Variants in ADAMTS12 observed in about 807,000 individuals in gnomAD.
ADAMTS12 encodes the protein A disintegrin and metalloproteinase with thrombospondin motifs 12.
Under a neutral mutation model 167.8 loss-of-function variants are expected in ADAMTS12, and 118 were observed. The observed-to-expected ratio is 0.70, with a 90% CI of 0.61 to 0.82. The LOEUF (loss-of-function observed/expected upper bound fraction) is 0.82. Among genes scored for constraint, ADAMTS12 ranks in the 40% least tolerant of loss-of-function variants. The pLI is 0.00. For synonymous variants in ADAMTS12, 704 were observed against 716.9 expected (o/e 0.98, Z 0.29); for missense variants, 1,916 against 1,998.8 (o/e 0.96, Z 0.79).
intron 22 of ADAMTS12, among the ~76,000 whole-genome samples, chr5:33,535,510 A>G (rs1212931441): frequency 6.6e-6 from 1 of 152,188 alleles, no homozygotes; most frequent in Non-Finnish European, 1.5e-5. Context: ...TGAAAACCAG[A>G]TGGCAGAAAA....
rs201411671 is a variant in ADAMTS12, at chr5:33,891,756, G to A, written c.101C>T (p.Pro34Leu). ...LCYGRQPQPG[P>L]VRFPDRRQEH... is the part of the protein sequence containing the mutation. ...TTGCCTCCTGTCCGGGAAGCGAACC[G>A]GGCCTGGCTGAGGCTGTCTCCCATA... is the stretch of plus-strand genomic sequence containing the variant. The change falls in exon 1 of 24, where the codon CCG becomes CTG. Residue 34 changes from proline (P) to leucine (L), a missense_variant. Coordinates refer to ENST00000504830, the MANE Select transcript of ADAMTS12 (RefSeq NM_030955.4). 35 of 1,614,182 alleles carry A rather than the reference G, an allele frequency of 2.2e-5. 1 individual carries two copies. In the East Asian group the frequency reaches 3.3e-4, roughly 15 times the overall value.
At chr5:33,555,719 G>A (rs1435180681) in intron 20 of ADAMTS12, among the ~76,000 whole-genome samples, 4 of 152,198 alleles carry the variant, frequency 2.6e-5, no homozygotes, top group Admixed American at 2.6e-4. Flanking sequence ...TTGTGATCAA[G>A]TATATATTGG....
chr5:33,679,679 CA>C (rs1327758811), intron 5 of ADAMTS12, among the ~76,000 whole-genome samples: 1 of 152,172 alleles, frequency 6.6e-6, no homozygotes, highest in Non-Finnish European at 1.5e-5. Context: ...ATGCCAATCT[CA>C]ACTTGAAATG....
At chr5:33,790,555 C>CA (rs35691545) in intron 2 of ADAMTS12, among the ~76,000 whole-genome samples, 2,227 of 104,684 alleles carry the variant, frequency 0.021, 33 homozygotes, top group Middle Eastern at 0.052. Flanking sequence ...GACTCCATCT[C>CA]AAAAAAAAAA....
chr5:33,595,135 C>T (rs1462800277), intron 17 of ADAMTS12, among the ~76,000 whole-genome samples: 4 of 152,166 alleles, frequency 2.6e-5, no homozygotes, highest in African/African-American at 7.2e-5. Context: ...TCTCCTTCTT[C>T]CTCCTTTATC....
Position 33,641,822 on chromosome 5 carries a change from C to T in ADAMTS12, c.1706G>A (p.Cys569Tyr), listed in dbSNP as rs1285677625. The change falls in exon 11 of 24, where the codon TGC becomes TAC. Residue 569 changes from cysteine to tyrosine, a missense_variant. Physicochemically the swap from Cys to Tyr is radical, Grantham distance 194 (BLOSUM62 -2). Transcript: ENST00000504830. ...GAGVQSAERL[C>Y]NNPEPKFGGK... ...TATCTGGACTCACTCGGGGTTGTTG[C>T]AGAGCCTCTCTGCGCTCTGGACTCC... 1 of 1,610,042 alleles carries T rather than the reference C, an allele frequency of 6.2e-7. No homozygotes were observed. The highest frequency in any genetic ancestry group is 1.1e-5 in the South Asian group (1 of 90,536).
intron 16 of ADAMTS12, among the ~76,000 whole-genome samples, chr5:33,605,858 A>G (rs765371315): frequency 3.9e-5 from 6 of 152,244 alleles, no homozygotes; most frequent in Admixed American, 6.5e-5. Flanking sequence ...TAGATGAAGA[A>G]ATTGAAGCAC....
At chr5:33,737,728 A>G (rs62349767) in intron 3 of ADAMTS12, among the ~76,000 whole-genome samples, 1,566 of 152,332 alleles carry the variant, frequency 0.01, 14 homozygotes, top group Non-Finnish European at 0.018. Context: ...GATTTACAAA[A>G]TATCATAAAT....
intron 3 of ADAMTS12, among the ~76,000 whole-genome samples, chr5:33,733,562 G>A (rs763422313): frequency 1.3e-5 from 2 of 152,164 alleles, no homozygotes; most frequent in Non-Finnish European, 2.9e-5. Flanking sequence ...TAGTCTGAAG[G>A]GAGCTGGAAA....
chr5:33,532,099 C>T (rs1402727887), intron 23 of ADAMTS12, among the ~76,000 whole-genome samples: 1 of 152,126 alleles, frequency 6.6e-6, no homozygotes, highest in Non-Finnish European at 1.5e-5. Flanking sequence ...AGGGGAGATC[C>T]CAATTTGCCT....
chr5:33,535,794 C>T (rs1323276633), intron 22 of ADAMTS12, among the ~76,000 whole-genome samples: 2 of 151,924 alleles, frequency 1.3e-5, no homozygotes, highest in Non-Finnish European at 1.5e-5. Flanking sequence ...AAGAGATGAA[C>T]GTTGGGTAAA....
chr5:33,825,327 C>T (rs1748020413), intron 2 of ADAMTS12, among the ~76,000 whole-genome samples: 1 of 152,246 alleles, frequency 6.6e-6, no homozygotes, highest in African/African-American at 2.4e-5. Flanking sequence ...ACACAGAGTA[C>T]GTGCAAGTTT....
At chr5:33,669,693 G>C (rs1741601359) in intron 5 of ADAMTS12, among the ~76,000 whole-genome samples, 1 of 151,710 alleles carries the variant, frequency 6.6e-6, no homozygotes, top group Non-Finnish European at 1.5e-5. Flanking sequence ...GAAATACATA[G>C]TGAAAAATTT....
chr5:33,648,947 G>T lies in ADAMTS12; in HGVS notation c.1354C>A (p.Leu452Ile). The change falls in exon 9 of 24, where the codon CTT becomes ATT. Residue 452 changes from leucine to isoleucine, a missense_variant. Leu to Ile is a conservative substitution (Grantham distance 5). Coordinates refer to ENST00000504830, the MANE Select transcript of ADAMTS12 (RefSeq NM_030955.4). ...RFLDRGWGFC[L>I]DDIPKKKGLK... is the part of the protein sequence containing the mutation. ...CCTTTCTTTTTAGGTATGTCATCAA[G>T]ACAGAACCCCCAGCCTCGGCTGAAA... 6.2e-7 allele frequency: 1 copy of T among 1,613,954 alleles called. No homozygotes were observed. The highest frequency in any genetic ancestry group is 8.5e-7 in the Non-Finnish European group (1 of 1,179,862).
intron 20 of ADAMTS12, among the ~76,000 whole-genome samples, chr5:33,559,129 G>A (rs573831059): frequency 2.6e-5 from 4 of 152,042 alleles, no homozygotes; most frequent in Admixed American, 2.6e-4. Context: ...TGTCTGTCTG[G>A]GGACATGAGC....
intron 6 of ADAMTS12, among the ~76,000 whole-genome samples, chr5:33,661,665 AT>A (rs1442119920): frequency 6.6e-6 from 1 of 152,240 alleles, no homozygotes; most frequent in Non-Finnish European, 1.5e-5. Flanking sequence ...CATCAGTGGG[AT>A]AGTAAAGAGG....
chr5:33,622,895 C>T (rs187587621), intron 14 of ADAMTS12, among the ~76,000 whole-genome samples: 2 of 152,214 alleles, frequency 1.3e-5, no homozygotes, highest in Non-Finnish European at 2.9e-5. Context: ...CATAATAAAG[C>T]TATCAATCAA....
At chr5:33,710,724 A>G (rs2112316242) in intron 3 of ADAMTS12, among the ~76,000 whole-genome samples, 1 of 152,168 alleles carries the variant, frequency 6.6e-6, no homozygotes, top group Middle Eastern at 3.4e-3. Flanking sequence ...GGAAGAATGC[A>G]TTTTAGATAG....
chr5:33,889,876 C>T (rs56138969), intron 1 of ADAMTS12, among the ~76,000 whole-genome samples: 1 of 152,044 alleles, frequency 6.6e-6, no homozygotes, highest in Non-Finnish European at 1.5e-5. Context: ...CACTTGAACC[C>T]GGGAGGCAGA....
Sources: allele counts gnomAD v4.1 joint callset (sites outside exome capture counted in the v4.1 genomes callset), GRCh38; gene constraint gnomAD v4.1.1; transcripts MANE v1.5; gene names NCBI Gene and HGNC (gene_info 2026-07-23, HGNC 2026-07-21).